L3MBTL4: variants seen among roughly 807,000 people sequenced by gnomAD.
The protein encoded by L3MBTL4 is L3MBTL histone methyl-lysine binding protein 4.
L3MBTL4 carries 70 observed loss-of-function variants against 84.5 expected under a neutral mutation model. The observed-to-expected ratio is 0.83, with a 90% confidence interval of 0.68 to 1.01. The LOEUF is 1.01. L3MBTL4 is among the 50% of genes least tolerant of loss of function. L3MBTL4 has a pLI of 0.00. For missense variants in L3MBTL4, 715 were observed against 754.8 expected (o/e 0.95, Z 0.62); for synonymous variants, 274 against 259.8 (o/e 1.05, Z -0.52).
chr18:6,405,656 G>A (rs2055703624), intron 1 of L3MBTL4, among the ~76,000 whole-genome samples: 1 of 152,108 alleles, frequency 6.6e-6, no homozygotes, highest in African/African-American at 2.4e-5. Flanking sequence ...CCTAAACACA[G>A]GGGCTGGGCC....
chr18:6,012,825 C>T (rs8084166), intron 16 of L3MBTL4, among the ~76,000 whole-genome samples: 11,176 of 152,140 alleles, frequency 0.073, 528 homozygotes, highest in East Asian at 0.12. Flanking sequence ...CATGGGAACA[C>T]GTGCAGTTTC....
chr18:6,393,077 T>TA (rs11293076), intron 1 of L3MBTL4, among the ~76,000 whole-genome samples: 31 of 151,130 alleles, frequency 2.1e-4, no homozygotes, highest in African/African-American at 5.1e-4. Flanking sequence ...GTGATTGAAA[T>TA]AAAAAAAAAA....
chr18:6,341,533 GAAGA>G (rs142009142), intron 1 of L3MBTL4, among the ~76,000 whole-genome samples: 29,446 of 151,340 alleles, frequency 0.19, 3,552 homozygotes, highest in African/African-American at 0.35. Flanking sequence ...CAATCAAGCA[GAAGA>G]AAGAATCAGT....
intron 1 of L3MBTL4, among the ~76,000 whole-genome samples, chr18:6,408,918 C>T (rs932724244): frequency 6.6e-6 from 1 of 152,128 alleles, no homozygotes; most frequent in Non-Finnish European, 1.5e-5. Flanking sequence ...CTCAGGCAAT[C>T]CACCCTCCTC....
chr18:6,123,372 A>G (rs766203163), intron 14 of L3MBTL4, among the ~76,000 whole-genome samples: 12 of 152,234 alleles, frequency 7.9e-5, no homozygotes, highest in Admixed American at 3.3e-4. Flanking sequence ...CACAATCCCC[A>G]CGTATCATGG....
At chr18:6,069,206 G>C (rs2057498366) in intron 16 of L3MBTL4, among the ~76,000 whole-genome samples, 1 of 152,216 alleles carries the variant, frequency 6.6e-6, no homozygotes. Context: ...CAGTGAACTT[G>C]CCACATGGAC....
chr18:6,328,606 A>C (rs1322770187), intron 1 of L3MBTL4, among the ~76,000 whole-genome samples: 1 of 152,262 alleles, frequency 6.6e-6, no homozygotes, highest in African/African-American at 2.4e-5. Context: ...AAATAAAATC[A>C]AACTATTTTG....
chr18:6,338,806 A>G (rs2052467322), intron 1 of L3MBTL4, among the ~76,000 whole-genome samples: 1 of 152,164 alleles, frequency 6.6e-6, no homozygotes, highest in African/African-American at 2.4e-5. Context: ...TAACATAAAA[A>G]GACATACCAT....
intron 16 of L3MBTL4, among the ~76,000 whole-genome samples, chr18:5,974,314 GA>G (rs1418490295): frequency 6.6e-6 from 1 of 152,190 alleles, no homozygotes; most frequent in Non-Finnish European, 1.5e-5. Flanking sequence ...AGGGTCTGAA[GA>G]GGCCCTGGAC....
intron 4 of L3MBTL4, among the ~76,000 whole-genome samples, chr18:6,275,705 T>C (rs1437385667): frequency 6.6e-6 from 1 of 152,106 alleles, no homozygotes; most frequent in East Asian, 1.9e-4. Context: ...ATTATCAAGG[T>C]TTTTTAGCCA....
intron 4 of L3MBTL4, among the ~76,000 whole-genome samples, chr18:6,272,643 G>A (rs1473057989): frequency 1.1e-5 from 1 of 92,426 alleles, no homozygotes; most frequent in Non-Finnish European, 2.2e-5. Flanking sequence ...GGGGAGTTGT[G>A]CAAATTCAAC....
intron 16 of L3MBTL4, among the ~76,000 whole-genome samples, chr18:6,034,881 C>A (rs2145646455): frequency 6.7e-6 from 1 of 149,310 alleles, no homozygotes; most frequent in African/African-American, 2.4e-5. Flanking sequence ...TTTTGATTTG[C>A]ATTTCTCTGA....
intron 4 of L3MBTL4, among the ~76,000 whole-genome samples, chr18:6,274,288 C>G (rs2048992809): frequency 6.6e-6 from 1 of 152,210 alleles, no homozygotes; most frequent in African/African-American, 2.4e-5. Context: ...TAGGGCCCAG[C>G]AATCTGTTTC....
chr18:6,209,861 C>T (rs1440583710), intron 12 of L3MBTL4, among the ~76,000 whole-genome samples: 1 of 152,138 alleles, frequency 6.6e-6, no homozygotes, highest in East Asian at 1.9e-4. Context: ...ACCTTGAAAA[C>T]ATTATGCCAG....
chr18:5,977,303 G>A (rs527659262), intron 16 of L3MBTL4, among the ~76,000 whole-genome samples: 1 of 152,326 alleles, frequency 6.6e-6, no homozygotes, highest in African/African-American at 2.4e-5. Flanking sequence ...TTTCCTCAGT[G>A]GCTACCCAAA....
intron 16 of L3MBTL4, among the ~76,000 whole-genome samples, chr18:5,987,299 G>A (rs1023048770): frequency 2.6e-5 from 4 of 152,260 alleles, no homozygotes; most frequent in African/African-American, 9.6e-5. Flanking sequence ...TCTAAAATGT[G>A]TTTATTTCTC....
chr18:5,993,022 T>C (rs1241027557), intron 16 of L3MBTL4, among the ~76,000 whole-genome samples: 1 of 152,112 alleles, frequency 6.6e-6, no homozygotes, highest in Non-Finnish European at 1.5e-5. Flanking sequence ...AGATGATGGG[T>C]TGGTGGAATG....
At chr18:6,311,520 A>G (rs1472164262) in intron 3 of L3MBTL4, 34 bp downstream of exon 3, 3 of 1,580,368 alleles carry the variant, frequency 1.9e-6, no homozygotes, top group South Asian at 1.1e-5. Context: ...GCGATCACAC[A>G]CTGTGAGGAA....
intron 13 of L3MBTL4, among the ~76,000 whole-genome samples, chr18:6,165,127 G>A (rs1009281039): frequency 1.3e-5 from 2 of 152,064 alleles, no homozygotes; most frequent in Non-Finnish European, 2.9e-5. Flanking sequence ...GAGAAGTTTA[G>A]AGAAAAAAGA....
Sources: gnomAD v4.1 joint callset for allele counts (sites outside exome capture counted in the v4.1 genomes callset) on GRCh38, gnomAD v4.1.1 for gene constraint, MANE v1.5 for transcripts, NCBI Gene and HGNC (gene_info 2026-07-23, HGNC 2026-07-21) for gene names.